Variants in RIC3 observed in about 807,000 individuals in gnomAD.
The protein encoded by RIC3 is RIC3 acetylcholine receptor chaperone.
RIC3 carries 28 observed loss-of-function variants against 27.3 expected under a neutral mutation model. The ratio of observed to expected loss-of-function variants is 1.02; its 90% CI spans 0.76 to 1.41. RIC3 has a LOEUF of 1.41. Among genes scored for constraint, RIC3 ranks in the 40% most tolerant of loss-of-function variants. The pLI, the probability that RIC3 is intolerant of heterozygous loss-of-function variation, is 0.00. For missense variants in RIC3, 501 were observed against 444.7 expected (o/e 1.13, Z -1.14); for synonymous variants, 184 against 160.4 (o/e 1.15, Z -1.11).
chr11:8,129,862 A>G (rs1294704772), intron 4 of RIC3, among the ~76,000 whole-genome samples: 2 of 152,130 alleles, frequency 1.3e-5, no homozygotes, highest in Admixed American at 6.5e-5. Context: ...TCCAAACCTG[A>G]GCCCTTTGCT....
chr11:8,148,823 G>A (rs187962375), intron 1 of RIC3, among the ~76,000 whole-genome samples: 1 of 151,974 alleles, frequency 6.6e-6, no homozygotes, highest in African/African-American at 2.4e-5. Flanking sequence ...AGGGTATCAA[G>A]GACCTTTTTA....
chr11:8,128,513 G>T (rs1947261275), intron 4 of RIC3, among the ~76,000 whole-genome samples: 1 of 152,090 alleles, frequency 6.6e-6, no homozygotes, highest in African/African-American at 2.4e-5. Context: ...GACATCTTCT[G>T]AATTTATTGC....
chr11:8,163,415 G>A (rs1431117501), intron 1 of RIC3, among the ~76,000 whole-genome samples: 1 of 151,648 alleles, frequency 6.6e-6, no homozygotes, highest in East Asian at 1.9e-4. Context: ...ATTCAACATT[G>A]CACTAAAGGT....
intron 1 of RIC3, among the ~76,000 whole-genome samples, chr11:8,149,148 G>A (rs1014518840): frequency 3.3e-5 from 5 of 151,458 alleles, no homozygotes; most frequent in Admixed American, 6.6e-5. Context: ...TGCCAAGATC[G>A]CACCACTGCA....
At chr11:8,128,841 G>A (rs373180590) in intron 4 of RIC3, among the ~76,000 whole-genome samples, 24 of 136,118 alleles carry the variant, frequency 1.8e-4, no homozygotes, top group African/African-American at 5.8e-4. Context: ...TGCAAGCTCC[G>A]CCTCCCGGGT....
chr11:8,135,896 T>A (rs1313924045), intron 4 of RIC3: 1 of 152,178 alleles, frequency 6.6e-6, no homozygotes, highest in African/African-American at 2.4e-5. Context: ...ACAAATTGGT[T>A]TAGTCACACT....
chr11:8,137,341 T>G, intron 4 of RIC3, 37 bp downstream of exon 4: 627 of 1,569,492 alleles, frequency 4.0e-4, no homozygotes, highest in Non-Finnish European at 5.0e-4. Flanking sequence ...ATTTTCTAAA[T>G]GAGAAATAGT....
intron 5 of RIC3, among the ~76,000 whole-genome samples, chr11:8,124,001 A>T (rs898023315): frequency 6.6e-6 from 1 of 151,078 alleles, no homozygotes; most frequent in Admixed American, 6.6e-5. Flanking sequence ...AGCCCAGGAG[A>T]TCAAACAGTG....
In RIC3 at chr11:8,110,354, C is replaced by T. The variant is rs1945101238; in HGVS notation, c.*344G>A. On this transcript the variant is annotated 3_prime_UTR_variant, in exon 6 of 6. Coordinates refer to ENST00000309737, the MANE Select transcript of RIC3 (RefSeq NM_001206671.4). ...AAGCTGATGTTCGTTCACAGGTGAA[C>T]TATCTGTTACACCTACCAGGAAGAG... The T allele has an allele frequency of 2.6e-6, 1 of 389,668 alleles. No individual in the cohort carries two copies. The highest frequency in any genetic ancestry group is 2.3e-5 in the South Asian group (1 of 44,284). 24.1% of individuals were successfully genotyped at this position (389,668 alleles called of 1,614,324 possible). A position where few individuals can be genotyped will look rare whatever the true frequency, so the allele number is the denominator to read the frequency against.
At chr11:8,100,476 T>G in the RIC3 span, 1 of 1,590,344 alleles carries the variant, frequency 6.3e-7, no homozygotes, top group South Asian at 1.1e-5. Context: ...ACGCCTCAGG[T>G]GGCCAGTGTT....
rs115838566 is a variant in RIC3 at position 8,139,680 on chromosome 11, A to G, written c.351+287T>C. ...TTTTTTTGGCAGGGGAGTGCATTGA[A>G]TTGTATCACTCACTGGATTAAGAAC... On this transcript the variant is annotated intron_variant, in intron 2 of 5. Transcript: ENST00000309737. 559 of 224,664 alleles carry G rather than the reference A, an allele frequency of 2.5e-3. 6 individuals carry two copies. The highest frequency in any genetic ancestry group is 0.015 in the African/African-American group (517 of 34,964). The allele number at this position is 224,664 out of a possible 1,614,324, so 13.9% of individuals were successfully genotyped here.
At chr11:8,096,295 C>T in the RIC3 span, among the ~76,000 whole-genome samples, 1 of 152,170 alleles carries the variant, frequency 6.6e-6, no homozygotes. Context: ...GCCAAGGCCT[C>T]TAATAGGCCT....
In RIC3 at chr11:8,110,932, A is replaced by G. The variant is rs754509215; in HGVS notation, c.876T>C (p.Ser292=). 2.5e-6 allele frequency: 4 copies of G among 1,614,228 alleles called. No individual in the cohort carries two copies. Among genetic ancestry groups the G allele is most frequent in the Non-Finnish European group, 3.4e-6 (4 of 1,180,040 alleles). The part of the protein sequence containing the change: ...PTDPRAQEDN[S]VTSCDPKPET... ...CTGGCTTTGGATCACACGAGGTAAC[A>G]GAATTATCTTCCTGGGCTCTGGGGT... Residue 292 remains serine, a synonymous_variant, in exon 6 of 6, where the codon TCT becomes TCC. Coordinates refer to ENST00000309737, the MANE Select transcript of RIC3 (RefSeq NM_001206671.4).
At position 8,168,616 on chromosome 11, in the gene RIC3, C is replaced by G. The variant is rs555587541; in HGVS notation, c.124+250G>C. Among the ~76,000 whole-genome samples the G allele has an allele frequency of 3.3e-5, 5 of 152,296 alleles. No individual in the cohort carries two copies. The South Asian group carries it at 1.0e-3, about 32-fold the overall frequency. ...CCTAAACGGGAGTACGCAAGGCCAC[C>G]TAGAGGATGCACAGACCTGCATGCA... On this transcript the variant is annotated intron_variant, in intron 1 of 5. Transcript: ENST00000309737.
chr11:8,116,637 A>C (rs1426235476), intron 5 of RIC3, among the ~76,000 whole-genome samples: 1 of 152,236 alleles, frequency 6.6e-6, no homozygotes, highest in Non-Finnish European at 1.5e-5. Flanking sequence ...AGACAGAAAA[A>C]TAGTCAACAG....
chr11:8,137,208 G>C (rs1948522146), intron 4 of RIC3, among the ~76,000 whole-genome samples, 170 bp downstream of exon 4: 1 of 152,148 alleles, frequency 6.6e-6, no homozygotes, highest in African/African-American at 2.4e-5. Flanking sequence ...ATTTTTAGTA[G>C]AGACAGGGTT....
chr11:8,156,898 A>G (rs1254631241), intron 1 of RIC3, among the ~76,000 whole-genome samples: 2 of 152,212 alleles, frequency 1.3e-5, no homozygotes, highest in Non-Finnish European at 2.9e-5. Context: ...GAACCGGGAA[A>G]CAAAAACAGG....
intron 1 of RIC3, among the ~76,000 whole-genome samples, chr11:8,153,592 C>T (rs1950425215): frequency 6.6e-6 from 1 of 152,176 alleles, no homozygotes; most frequent in Non-Finnish European, 1.5e-5. Context: ...ACTGGTTCTT[C>T]TTTAATCCCC....
intron 1 of RIC3, among the ~76,000 whole-genome samples, chr11:8,161,022 T>C (rs1324578256): frequency 6.6e-6 from 1 of 152,092 alleles, no homozygotes; most frequent in Non-Finnish European, 1.5e-5. Flanking sequence ...TCTCCAAAGA[T>C]GATTTTGAGG....
Sources: allele counts gnomAD v4.1 joint callset (sites outside exome capture counted in the v4.1 genomes callset), GRCh38; gene constraint gnomAD v4.1.1; transcripts MANE v1.5; gene names NCBI Gene and HGNC (gene_info 2026-07-23, HGNC 2026-07-21).